Variants in GP6 observed in about 807,000 individuals in gnomAD.
The protein encoded by GP6 is glycoprotein VI platelet.
Under a neutral mutation model 37.3 loss-of-function variants are expected in GP6, and 45 were observed. The ratio of observed to expected loss-of-function variants is 1.21; its 90% CI spans 0.95 to 1.55. GP6 has a LOEUF of 1.55. Among genes scored for constraint, GP6 ranks in the 40% most tolerant of loss-of-function variants. The pLI, the probability that GP6 is intolerant of heterozygous loss-of-function variation, is 0.00. For synonymous variants in GP6, 340 were observed against 316.4 expected (o/e 1.07, Z -0.79); for missense variants, 813 against 760.2 (o/e 1.07, Z -0.82).
chr19:55,031,520 C>T (rs1381456634), intron 3 of GP6, among the ~76,000 whole-genome samples: 1 of 152,200 alleles, frequency 6.6e-6, no homozygotes, highest in Admixed American at 6.6e-5. Flanking sequence ...TCTGGTATGA[C>T]TTGACACAGG....
At chr19:55,031,192 A>C (rs1207620442) in intron 3 of GP6, among the ~76,000 whole-genome samples, 1 of 152,206 alleles carries the variant, frequency 6.6e-6, no homozygotes, top group Admixed American at 6.5e-5. Context: ...TGTTAACATG[A>C]GGGGATCCTG....
At position 55,013,967 on chromosome 19, in the gene GP6, G is replaced by C; in HGVS notation, c.*115C>G. On this transcript the variant is annotated 3_prime_UTR_variant, in exon 8 of 8. Coordinates refer to ENST00000310373, the MANE Select transcript of GP6 (RefSeq NM_001083899.2). ...CATTTCCTTCAGAAAGTAAATATGA[G>C]AGGGGTGGAGACGGTGCATTATCTT... 1 of 426,088 alleles carries C rather than the reference G, an allele frequency of 2.3e-6. No homozygotes were observed. Among genetic ancestry groups the C allele is most frequent in the Admixed American group, 2.7e-5 (1 of 37,212 alleles). The allele number at this position is 426,088 out of a possible 1,614,324, so 26.4% of individuals were successfully genotyped here.
At chr19:55,024,311 T>C (rs1336622131) in intron 5 of GP6, among the ~76,000 whole-genome samples, 4,410 of 120,224 alleles carry the variant, frequency 0.037, 220 homozygotes, top group South Asian at 0.043. Flanking sequence ...CACACACATA[T>C]GCACGCACAC....
chr19:55,028,561 T>G (rs2074397402), intron 3 of GP6, among the ~76,000 whole-genome samples: 1 of 152,244 alleles, frequency 6.6e-6, no homozygotes, highest in South Asian at 2.1e-4. Context: ...TTGCTAGTAG[T>G]AACTGTCTCA....
At chr19:55,028,828 C>A (rs960846021) in intron 3 of GP6, among the ~76,000 whole-genome samples, 1 of 152,106 alleles carries the variant, frequency 6.6e-6, no homozygotes, top group Non-Finnish European at 1.5e-5. Flanking sequence ...TGCCTGCACA[C>A]AGGAGTCAGA....
chr19:55,024,106 T>C (rs1297338873), intron 5 of GP6, among the ~76,000 whole-genome samples: 1 of 152,156 alleles, frequency 6.6e-6, no homozygotes, highest in East Asian at 1.9e-4. Context: ...AAATTCCTGG[T>C]TTTTATGTTG....
At chr19:55,032,811 G>A in intron 1 of GP6, 1 of 603,920 alleles carries the variant, frequency 1.7e-6, no homozygotes. Flanking sequence ...GGGAGAGGAG[G>A]GCAAGGCATG....
chr19:55,032,577 T>C (rs1308978980), intron 1 of GP6, 39 bp from the exon 2 acceptor site: 1 of 1,610,186 alleles, frequency 6.2e-7, no homozygotes, highest in South Asian at 1.1e-5. Context: ...CAGGACTCGC[T>C]TTTATGGACA....
In GP6 at chr19:55,038,238, G is replaced by C. The variant is rs906706656; in HGVS notation, c.-2C>G. The C allele has an allele frequency of 1.9e-6, 3 of 1,587,822 alleles. No individual in the cohort carries two copies. The highest frequency in any genetic ancestry group is 1.3e-5 in the African/African-American group (1 of 74,692). ...GAGGGCGGTCGGGGATGGAGACATG[G>C]TTCCTCAGCCCTGTCCTGAGCTCTG... On this transcript the variant is annotated 5_prime_UTR_variant, in exon 1 of 8. Coordinates refer to ENST00000310373, the MANE Select transcript of GP6 (RefSeq NM_001083899.2).
intron 3 of GP6, among the ~76,000 whole-genome samples, chr19:55,031,738 G>T (rs1243612592): frequency 6.6e-6 from 1 of 152,150 alleles, no homozygotes; most frequent in Non-Finnish European, 1.5e-5. Context: ...GAGCAACATA[G>T]CGAGACCCTA....
Position 55,015,071 on chromosome 19 carries a change from G to C in GP6, c.874C>G (p.Leu292Val), listed in dbSNP as rs761067320. 10 of 1,604,766 alleles carry C rather than the reference G, an allele frequency of 6.2e-6. No individual in the cohort carries two copies. The highest frequency in any genetic ancestry group is 2.2e-5 in the East Asian group (1 of 44,480). ...GCAGGCGCTTCCTCCGGCTGTGCCA[G>C]TCCTCTGCCAGAAACCCCGCCAGGA... Residue 292 changes from leucine to valine, a missense_variant, in exon 8 of 8, where the codon CTG becomes GTG. Physicochemically the swap from Leu to Val is conservative, Grantham distance 32 (BLOSUM62 1). Coordinates refer to ENST00000310373, the MANE Select transcript of GP6 (RefSeq NM_001083899.2).
chr19:55,033,270 GACTC>G, intron 1 of GP6, among the ~76,000 whole-genome samples: 9 of 92,500 alleles, frequency 9.7e-5, no homozygotes, highest in East Asian at 3.4e-4. Flanking sequence ...AGACACGGTG[GACTC>G]GTTCGTGTTA....
At chr19:55,021,363 C>CAA (rs71181728) in intron 5 of GP6, among the ~76,000 whole-genome samples, 2 of 142,022 alleles carry the variant, frequency 1.4e-5, no homozygotes, top group Admixed American at 7.0e-5. Context: ...TACTACATCT[C>CAA]AAAAAAAAAA....
In GP6 at chr19:55,027,617, AC is replaced by A; in HGVS notation, c.570del (p.Trp191GlyfsTer17). On this transcript the variant is annotated frameshift_variant, in exon 4 of 8. Transcript: ENST00000310373. LOFTEE classifies it high-confidence loss of function. Reference sequence around the variant, plus strand: ...TCCAGGGGGTCGCTGGGGGCTGACCACAGGTATGGGTCCCTGCTGGAGAAGC... The same window carrying A: ...TCCAGGGGGTCGCTGGGGGCTGACCAAGGTATGGGTCCCTGCTGGAGAAGC... 6.2e-7 allele frequency: 1 copy of A among 1,613,704 alleles called. No individual in the cohort carries two copies. Among genetic ancestry groups the A allele is most frequent in the Non-Finnish European group, 8.5e-7 (1 of 1,179,626 alleles).
chr19:55,037,788 C>T (rs1042206704), intron 1 of GP6, among the ~76,000 whole-genome samples: 4 of 151,084 alleles, frequency 2.6e-5, no homozygotes, highest in African/African-American at 4.9e-5. Flanking sequence ...CCCGCCATCA[C>T]GCCCGGCTAA....
At chr19:55,024,129 G>A (rs1041932794) in intron 5 of GP6, among the ~76,000 whole-genome samples, 3 of 152,162 alleles carry the variant, frequency 2.0e-5, no homozygotes, top group South Asian at 2.1e-4. Flanking sequence ...CTCTAATTAC[G>A]TAAGATGTAA....
At chr19:55,031,394 C>T (rs1048943462) in intron 3 of GP6, among the ~76,000 whole-genome samples, 1 of 152,128 alleles carries the variant, frequency 6.6e-6, no homozygotes, top group African/African-American at 2.4e-5. Flanking sequence ...TATGACTGCT[C>T]CTATGAACAG....
intron 3 of GP6, among the ~76,000 whole-genome samples, chr19:55,030,618 C>G (rs576300084): frequency 6.6e-6 from 1 of 151,446 alleles, no homozygotes; most frequent in African/African-American, 2.4e-5. Context: ...ACTGGGATTA[C>G]AGGCGTGAGC....
intron 6 of GP6, among the ~76,000 whole-genome samples, chr19:55,017,050 A>C (rs1274062261): frequency 6.6e-6 from 1 of 152,036 alleles, no homozygotes; most frequent in Non-Finnish European, 1.5e-5. Flanking sequence ...ACAACAAAAA[A>C]CAAAAAAACC....
Sources: gnomAD v4.1 joint callset for allele counts (sites outside exome capture counted in the v4.1 genomes callset) on GRCh38, gnomAD v4.1.1 for gene constraint, MANE v1.5 for transcripts, NCBI Gene and HGNC (gene_info 2026-07-23, HGNC 2026-07-21) for gene names.